Variants in NFYC observed in about 807,000 individuals in gnomAD.
NFYC encodes CAAT box DNA-binding protein subunit C.
In NFYC, 25 loss-of-function variants were observed where a neutral mutation model predicts 53.1. That is an observed-to-expected ratio of 0.47 (90% CI 0.34 to 0.66). The LOEUF is 0.66. Ranked by LOEUF, NFYC falls within the 30% of genes least tolerant of loss-of-function variation. The probability of loss-of-function intolerance (pLI) is 0.01; values close to 1 mark genes in which losing one functional copy is unlikely to be tolerated. For synonymous variants in NFYC, 145 were observed against 152.6 expected (o/e 0.95, Z 0.37); for missense variants, 260 against 422.7 (o/e 0.62, Z 3.38).
chr1:40,712,411 T>C (rs1643958941), intron 1 of NFYC: 1 of 152,182 alleles, frequency 6.6e-6, no homozygotes, highest in South Asian at 2.1e-4. Context: ...TAGGAACCTC[T>C]CAGAATAAAA....
At chr1:40,763,099 A>T in intron 7 of NFYC, 53 bp downstream of exon 7, 1 of 1,420,828 alleles carries the variant, frequency 7.0e-7, no homozygotes, top group Non-Finnish European at 9.4e-7. Context: ...GAAATACTTA[A>T]AGATATATAT....
intron 7 of NFYC, among the ~76,000 whole-genome samples, 181 bp from the exon 8 acceptor site, chr1:40,766,415 G>A (rs1262048663): frequency 6.6e-6 from 1 of 152,268 alleles, no homozygotes; most frequent in Non-Finnish European, 1.5e-5. Context: ...GTGACTTGTG[G>A]GATGTGGATG....
At chr1:40,745,483 C>G (rs1167650766) in intron 2 of NFYC, among the ~76,000 whole-genome samples, 1 of 152,140 alleles carries the variant, frequency 6.6e-6, no homozygotes, top group Non-Finnish European at 1.5e-5. Flanking sequence ...TAAAAAAACT[C>G]TTTAGGATCT....
intron 1 of NFYC, chr1:40,734,928 T>C (rs1229454753): frequency 1.3e-5 from 2 of 152,196 alleles, no homozygotes; most frequent in African/African-American, 2.4e-5. Context: ...CAGGAATTTA[T>C]AAAAAGAGTT....
At position 40,766,637 on chromosome 1, in the gene NFYC, C is replaced by T. The variant is rs145113974; in HGVS notation, c.762C>T (p.Ala254=). The T allele has an allele frequency of 5.1e-3, 8,218 of 1,614,114 alleles. 30 individuals carry two copies. Among genetic ancestry groups the T allele is most frequent in the Non-Finnish European group, 6.3e-3 (7,409 of 1,180,000 alleles). Reference sequence around the variant, plus strand: ...GCCAGCTGCAGTATATCCGCTTAGCCCAGCCTGTATCAGGCACTCAAGTTG... The same window carrying T: ...GCCAGCTGCAGTATATCCGCTTAGCTCAGCCTGTATCAGGCACTCAAGTTG... ...NAGQLQYIRL[A]QPVSGTQVVQ... The change falls in exon 8 of 10, where the codon GCC becomes GCT. Residue 254 remains alanine, a synonymous_variant. Coordinates refer to ENST00000447388, the MANE Select transcript of NFYC (RefSeq NM_014223.5).
At chr1:40,758,390 A>AT in intron 6 of NFYC, 96 bp downstream of exon 6, 1 of 1,301,324 alleles carries the variant, frequency 7.7e-7, no homozygotes, top group Non-Finnish European at 1.0e-6. Flanking sequence ...CAGCCAGATC[A>AT]TTATAGAGCA....
chr1:40,751,606 CT>C (rs1331147979), intron 4 of NFYC, among the ~76,000 whole-genome samples: 1 of 151,972 alleles, frequency 6.6e-6, no homozygotes, highest in Non-Finnish European at 1.5e-5. Context: ...GAGATGAGGC[CT>C]TACTATGTTG....
intron 1 of NFYC, among the ~76,000 whole-genome samples, chr1:40,738,111 C>G (rs1029228966): frequency 4.6e-5 from 7 of 152,042 alleles, no homozygotes; most frequent in Admixed American, 4.6e-4. Flanking sequence ...ACTGTTTTAG[C>G]CAGGATGGTC....
At chr1:40,758,522 G>GT in intron 6 of NFYC, 1 of 457,852 alleles carries the variant, frequency 2.2e-6, no homozygotes. Flanking sequence ...GTACTAGACA[G>GT]TATGTTCTCC....
intron 1 of NFYC, among the ~76,000 whole-genome samples, chr1:40,729,928 G>A (rs371559045): frequency 6.6e-6 from 1 of 151,992 alleles, no homozygotes; most frequent in Non-Finnish European, 1.5e-5. Context: ...CACCCGCCTC[G>A]GCCTCCCAAA....
intron 1 of NFYC, among the ~76,000 whole-genome samples, chr1:40,733,866 C>T (rs1644893048): frequency 6.6e-6 from 1 of 152,094 alleles, no homozygotes; most frequent in South Asian, 2.1e-4. Flanking sequence ...GCCTCAGCCT[C>T]CCAAGTAGCT....
At chr1:40,754,341 T>C (rs1351893905) in intron 5 of NFYC, 2 of 534,528 alleles carry the variant, frequency 3.7e-6, no homozygotes, top group South Asian at 2.8e-5. Flanking sequence ...CCTCACTGCG[T>C]CTCCGTTCTT....
At chr1:40,741,607 T>C (rs1486913422) in intron 2 of NFYC, among the ~76,000 whole-genome samples, 1 of 151,940 alleles carries the variant, frequency 6.6e-6, no homozygotes, top group East Asian at 1.9e-4. Context: ...TTTCTTTTTT[T>C]TTTTTCCTTT....
intron 9 of NFYC, among the ~76,000 whole-genome samples, chr1:40,769,983 T>G (rs570988747): frequency 6.6e-6 from 1 of 152,198 alleles, no homozygotes; most frequent in African/African-American, 2.4e-5. Context: ...CCTCTGCTGC[T>G]CAAAAGGGAG....
chr1:40,714,816 C>T (rs1644065101), intron 1 of NFYC, among the ~76,000 whole-genome samples: 1 of 152,120 alleles, frequency 6.6e-6, no homozygotes, highest in African/African-American at 2.4e-5. Context: ...CGTGGTGGCT[C>T]ACGCCTGTAA....
At chr1:40,747,109 A>C (rs1301043245) in intron 2 of NFYC, among the ~76,000 whole-genome samples, 1 of 152,218 alleles carries the variant, frequency 6.6e-6, no homozygotes, top group Non-Finnish European at 1.5e-5. Context: ...TGGTCACTGA[A>C]TGGAAGAAAG....
At chr1:40,709,542 AG>A (rs2148446336) in intron 1 of NFYC, 1 of 152,276 alleles carries the variant, frequency 6.6e-6, no homozygotes, top group South Asian at 2.1e-4. Context: ...TTTGGGGGGT[AG>A]GGATAGGAGT....
At chr1:40,741,260 TTC>T (rs1244700474) in intron 2 of NFYC, among the ~76,000 whole-genome samples, 1 of 152,184 alleles carries the variant, frequency 6.6e-6, no homozygotes, top group Non-Finnish European at 1.5e-5. Context: ...CATTCAACCA[TTC>T]TGTTTTTCGC....
chr1:40,724,542 GT>G (rs1297334169), intron 1 of NFYC, among the ~76,000 whole-genome samples: 1 of 152,168 alleles, frequency 6.6e-6, no homozygotes, highest in Admixed American at 6.5e-5. Flanking sequence ...TACTGATAGT[GT>G]TTTATTGCTG....
Sources: gnomAD v4.1 joint callset for allele counts (sites outside exome capture counted in the v4.1 genomes callset) on GRCh38, gnomAD v4.1.1 for gene constraint, MANE v1.5 for transcripts, NCBI Gene and HGNC (gene_info 2026-07-23, HGNC 2026-07-21) for gene names.